FBXO38: variants seen among roughly 807,000 people sequenced by gnomAD.
The protein encoded by FBXO38 is F-box only protein 38.
In FBXO38, 53 loss-of-function variants were observed where a neutral mutation model predicts 131.9. The observed-to-expected ratio is 0.40, with a 90% CI of 0.32 to 0.51. The LOEUF is 0.51. Among genes scored for constraint, FBXO38 ranks in the 20% least tolerant of loss-of-function variants. FBXO38 has a pLI of 0.53. For synonymous variants in FBXO38, 452 were observed against 505.6 expected (o/e 0.89, Z 1.42); for missense variants, 1,076 against 1,475.6 (o/e 0.73, Z 4.44).
rs770726156 is a variant in FBXO38, at chr5:148,402,404, T to C, written c.483T>C (p.His161=). ...LVESIWTYMP[H]VHILGKFRNR... ...AATCCATTTGGACATATATGCCCCA[T>C]GTTCATATTTTGGGGAAATTTCGTA... is the stretch of plus-strand genomic sequence containing the variant. Residue 161 remains histidine, a synonymous_variant, in exon 5 of 22, where the codon CAT becomes CAC. Coordinates refer to ENST00000340253, the MANE Select transcript of FBXO38 (RefSeq NM_205836.3). 1.2e-6 allele frequency: 2 copies of C among 1,613,132 alleles called. No individual in the cohort carries two copies. Among genetic ancestry groups the C allele is most frequent in the African/African-American group, 2.7e-5 (2 of 74,874 alleles).
intron 11 of FBXO38, 163 bp from the exon 12 acceptor site, chr5:148,416,831 G>A: frequency 1.7e-6 from 1 of 599,046 alleles, no homozygotes; most frequent in Non-Finnish European, 3.0e-6. Flanking sequence ...TTGAAGTGTT[G>A]CAGGCCTTAA....
chr5:148,407,786 G>A (rs371744979), intron 7 of FBXO38, among the ~76,000 whole-genome samples: 3 of 152,088 alleles, frequency 2.0e-5, no homozygotes, highest in African/African-American at 7.2e-5. Flanking sequence ...TTAGCCCGTC[G>A]TGGTGGCGGG....
At chr5:148,404,364 C>T (rs1210278128) in intron 5 of FBXO38, among the ~76,000 whole-genome samples, 5 of 152,204 alleles carry the variant, frequency 3.3e-5, no homozygotes, top group Non-Finnish European at 5.9e-5. Flanking sequence ...CACTTTACCT[C>T]TTCTGGGAAA....
chr5:148,425,482 T>G, intron 13 of FBXO38, 40 bp from the exon 14 acceptor site: 1 of 1,539,902 alleles, frequency 6.5e-7, no homozygotes, highest in Non-Finnish European at 8.9e-7. Flanking sequence ...GATCCTTTCT[T>G]GCGCAAAAAG....
intron 2 of FBXO38, among the ~76,000 whole-genome samples, chr5:148,397,235 C>CTAT (rs1166708728): frequency 6.6e-6 from 1 of 151,984 alleles, no homozygotes; most frequent in African/African-American, 2.4e-5. Context: ...GCTGTCCCTG[C>CTAT]TATGCTCTCT....
chr5:148,402,931 A>G (rs1752244983), intron 5 of FBXO38, among the ~76,000 whole-genome samples: 1 of 152,096 alleles, frequency 6.6e-6, no homozygotes, highest in African/African-American at 2.4e-5. Flanking sequence ...TATGTGTTTT[A>G]AGCATTATTC....
intron 9 of FBXO38, among the ~76,000 whole-genome samples, chr5:148,412,522 A>T (rs1302836686): frequency 6.6e-6 from 1 of 152,176 alleles, no homozygotes. Flanking sequence ...ATCTTTAGAG[A>T]GTTCTTTGTT....
chr5:148,441,067 G>C (rs1235349205), intron 20 of FBXO38, 57 bp from the exon 21 acceptor site: 2 of 1,140,994 alleles, frequency 1.8e-6, no homozygotes, highest in East Asian at 4.7e-5. Flanking sequence ...AAATACTGCA[G>C]AATTTGGCTC....
Position 148,441,100 on chromosome 5 carries a change from A to G in FBXO38, c.3275-24A>G, listed in dbSNP as rs374195663. The G allele has an allele frequency of 7.0e-6, 11 of 1,564,086 alleles. No homozygotes were observed. In the African/African-American group the frequency reaches 1.4e-4, roughly 19 times the overall value. On this transcript the variant is annotated intron_variant, in intron 20 of 21. Transcript: ENST00000340253. The stretch of plus-strand genomic sequence containing the variant: ...CTCTGTCAGCACTCCCACGCCAGTT[A>G]GCAATGTTACATTTGTCTTTTAGGT...
At chr5:148,427,108 T>TTG (rs1200435312) in intron 14 of FBXO38, 105 bp from the exon 15 acceptor site, 1 of 1,300,788 alleles carries the variant, frequency 7.7e-7, no homozygotes, top group African/African-American at 1.5e-5. Context: ...AAATTAGTGT[T>TTG]TAGTATACAT....
intron 10 of FBXO38, 97 bp downstream of exon 10, chr5:148,414,403 A>C: frequency 8.0e-6 from 9 of 1,119,166 alleles, no homozygotes; most frequent in Non-Finnish European, 1.0e-5. Context: ...TTCCTAATGT[A>C]AAATGTAGGT....
intron 9 of FBXO38, 79 bp downstream of exon 9, chr5:148,410,844 C>T (rs991645167): frequency 2.2e-6 from 3 of 1,367,118 alleles, no homozygotes; most frequent in Non-Finnish European, 3.0e-6. Flanking sequence ...TTGGGTTGTG[C>T]CATGTCTTTT....
rs10057961 is a variant in FBXO38 at position 148,389,482 on chromosome 5, A to G, written c.-63-5232A>G. ...TTCTCAGCAAGACTTCCTCCAAGTCATCTTTCTCTAATGCCGATAACTGGA... is the reference window on the plus strand; with the variant it reads ...TTCTCAGCAAGACTTCCTCCAAGTCGTCTTTCTCTAATGCCGATAACTGGA... On this transcript the variant is annotated intron_variant, in intron 1 of 21. Coordinates refer to ENST00000340253, the MANE Select transcript of FBXO38 (RefSeq NM_205836.3). Among the ~76,000 whole-genome samples, 1,369 of 152,302 alleles carry G rather than the reference A, an allele frequency of 9.0e-3. 19 individuals carry two copies. Among genetic ancestry groups the G allele is most frequent in the African/African-American group, 0.032 (1,310 of 41,568 alleles).
Position 148,399,048 on chromosome 5 carries a change from C to T in FBXO38, c.178C>T (p.Leu60=), listed in dbSNP as rs1185264111. The T allele has an allele frequency of 1.2e-6, 2 of 1,613,386 alleles. No individual in the cohort carries two copies. The highest frequency in any genetic ancestry group is 2.7e-5 in the African/African-American group (2 of 74,860). The change falls in exon 3 of 22, where the codon CTA becomes TTA. Residue 60 remains leucine (L), a synonymous_variant. Coordinates refer to ENST00000340253, the MANE Select transcript of FBXO38 (RefSeq NM_205836.3). ...GTGTATGGAATGTCTTTCCCGGAAG[C>T]TAAAGGAAGCAGTGACCCTATATCT... ...IMCMECLSRK[L]KEAVTLYLRV... is the part of the protein sequence containing the mutation.
rs1346056427 is a variant in FBXO38 at position 148,423,064 on chromosome 5, T to G, written c.1619-934T>G. The stretch of plus-strand genomic sequence containing the variant: ...TATATGAAATGTCACCTTATTTCAG[T>G]GAACCCTTCCTTGACCCAATGAGAG... On this transcript the variant is annotated intron_variant, in intron 12 of 21. Coordinates refer to ENST00000340253, the MANE Select transcript of FBXO38 (RefSeq NM_205836.3). Among the ~76,000 whole-genome samples, 3 of 152,220 alleles carry G rather than the reference T, an allele frequency of 2.0e-5. No homozygotes were observed. In the East Asian group the frequency reaches 5.8e-4, roughly 29 times the overall value.
intron 5 of FBXO38, among the ~76,000 whole-genome samples, chr5:148,404,345 A>C (rs1752322146): frequency 6.6e-6 from 1 of 152,174 alleles, no homozygotes; most frequent in Non-Finnish European, 1.5e-5. Flanking sequence ...GCTTTCAGTA[A>C]TCCATTTTCA....
At chr5:148,419,328 T>C (rs1753259431) in intron 12 of FBXO38, among the ~76,000 whole-genome samples, 1 of 152,090 alleles carries the variant, frequency 6.6e-6, no homozygotes, top group African/African-American at 2.4e-5. Context: ...GTATCTGTTA[T>C]TAAACATGTA....
chr5:148,414,128 C>G lies in FBXO38; in HGVS notation c.1094-8C>G, dbSNP rs777689493. ...CTTTTTTTTTTTTTAATTGATTGCTCTTTTTAGGCAGAATGGCTAATGCGG... is the reference window on the plus strand; with the variant it reads ...CTTTTTTTTTTTTTAATTGATTGCTGTTTTTAGGCAGAATGGCTAATGCGG... On this transcript the variant is annotated splice_polypyrimidine_tract_variant and splice_region_variant and intron_variant, in intron 9 of 21. Transcript: ENST00000340253. 4 of 1,560,768 alleles carry G rather than the reference C, an allele frequency of 2.6e-6. No homozygotes were observed. Among genetic ancestry groups the G allele is most frequent in the Non-Finnish European group, 3.4e-6 (4 of 1,160,162 alleles).
At chr5:148,388,514 G>A (rs1479075315) in intron 1 of FBXO38, among the ~76,000 whole-genome samples, 1 of 152,236 alleles carries the variant, frequency 6.6e-6, no homozygotes, top group East Asian at 1.9e-4. Context: ...CGTTATCTAA[G>A]TTAGATCTTT....
Sources: gnomAD v4.1 joint callset for allele counts (sites outside exome capture counted in the v4.1 genomes callset) on GRCh38, gnomAD v4.1.1 for gene constraint, MANE v1.5 for transcripts, NCBI Gene and HGNC (gene_info 2026-07-23, HGNC 2026-07-21) for gene names.